C1orf21: variants seen among roughly 807,000 people sequenced by gnomAD.
The protein encoded by C1orf21 is uncharacterized protein C1orf21.
C1orf21 carries 3 observed loss-of-function variants against 18.7 expected under a neutral mutation model. The observed-to-expected ratio is 0.16, with a 90% CI of 0.07 to 0.42. C1orf21 has a LOEUF of 0.42. Ranked by LOEUF, C1orf21 falls within the 10% of genes least tolerant of loss-of-function variation. C1orf21 has a pLI of 0.99. For synonymous variants in C1orf21, 41 were observed against 46.4 expected, an observed-to-expected ratio of 0.88 and a Z score of 0.47; for missense variants, 104 against 143.6, an observed-to-expected ratio of 0.72 and a Z score of 1.41.
At chr1:184,570,952 A>G (rs1382721251) in intron 3 of C1orf21, among the ~76,000 whole-genome samples, 6 of 152,224 alleles carry the variant, frequency 3.9e-5, no homozygotes, top group Admixed American at 3.9e-4. Flanking sequence ...GCAAGCGTTT[A>G]TACACAATGA....
chr1:184,542,059 C>T (rs763860851), intron 3 of C1orf21, among the ~76,000 whole-genome samples: 55 of 152,116 alleles, frequency 3.6e-4, no homozygotes, highest in Non-Finnish European at 7.3e-5. Context: ...TCTTCTATAC[C>T]GGGTGCAGTC....
At position 184,562,401 on chromosome 1, in the gene C1orf21, T is replaced by C. The variant is rs115236360; in HGVS notation, c.190-28338T>C. Among the ~76,000 whole-genome samples the C allele has an allele frequency of 2.0e-3, 309 of 152,358 alleles. 1 individual carries two copies. The highest frequency in any genetic ancestry group is 6.8e-3 in the Middle Eastern group (2 of 294). On this transcript the variant is annotated intron_variant, in intron 3 of 5. Coordinates refer to ENST00000235307, the MANE Select transcript of C1orf21 (RefSeq NM_030806.4). ...AATGTTCCCATAAACTTGGATAAAC[T>C]ACATAGGAAGTAGCTCACATTTTCA...
At chr1:184,559,622 CCTCCCTTA>C (rs988596340) in intron 3 of C1orf21, among the ~76,000 whole-genome samples, 5 of 146,878 alleles carry the variant, frequency 3.4e-5, no homozygotes, top group Admixed American at 2.0e-4. Context: ...TCCCTCCCTC[CCTCCCTTA>C]CTTTCTTTCC....
At chr1:184,388,318 G>A (rs1487527033) in intron 1 of C1orf21, among the ~76,000 whole-genome samples, 1 of 152,188 alleles carries the variant, frequency 6.6e-6, no homozygotes, top group Non-Finnish European at 1.5e-5. Context: ...ATAAAAATAT[G>A]CACACATAAA....
intron 1 of C1orf21, among the ~76,000 whole-genome samples, chr1:184,402,785 G>A (rs1656184988): frequency 6.6e-6 from 1 of 152,116 alleles, no homozygotes; most frequent in Non-Finnish European, 1.5e-5. Context: ...AGGTTGTACA[G>A]TATGTCTTCA....
At position 184,628,471 on chromosome 1, in the gene C1orf21, T is replaced by C. The variant is rs1274161007; in HGVS notation, c.*8915T>C. 6.6e-6 allele frequency: 1 copy of C among 152,214 alleles called. No individual in the cohort carries two copies. The highest frequency in any genetic ancestry group is 1.9e-4 in the East Asian group (1 of 5,188). 9.4% of individuals were successfully genotyped at this position (152,214 alleles called of 1,614,324 possible). On this transcript the variant is annotated 3_prime_UTR_variant, in exon 6 of 6. Coordinates refer to ENST00000235307, the MANE Select transcript of C1orf21 (RefSeq NM_030806.4). ...CACCCCACTTTGAACACCCTTGCTTTAGTGCAAATCAGCACGCCTAAATAG... is the reference window on the plus strand; with the variant it reads ...CACCCCACTTTGAACACCCTTGCTTCAGTGCAAATCAGCACGCCTAAATAG...
rs139995820 is a variant in C1orf21, at chr1:184,473,448, G to A, written c.-124-3938G>A. Among the ~76,000 whole-genome samples the A allele has an allele frequency of 2.6e-5, 4 of 151,862 alleles. No homozygotes were observed. In the East Asian group the frequency reaches 7.7e-4, roughly 29 times the overall value. Reference sequence around the variant, plus strand: ...TTGGGAGAGAAAAGCTGAGCAAAGCGAATGAAAAAATGGAAGCTAAAAAAA... The same window carrying A: ...TTGGGAGAGAAAAGCTGAGCAAAGCAAATGAAAAAATGGAAGCTAAAAAAA... On this transcript the variant is annotated intron_variant, in intron 1 of 5. Coordinates refer to ENST00000235307, the MANE Select transcript of C1orf21 (RefSeq NM_030806.4).
intron 1 of C1orf21, among the ~76,000 whole-genome samples, chr1:184,441,205 A>C (rs1456970614): frequency 6.6e-6 from 1 of 152,202 alleles, no homozygotes; most frequent in African/African-American, 2.4e-5. Flanking sequence ...AACTTTCAGC[A>C]AGTTACCTTG....
rs1383832137 is a variant in C1orf21, at chr1:184,628,955, A to G, written c.*9399A>G. The G allele has an allele frequency of 1.3e-5, 2 of 152,476 alleles. No individual in the cohort carries two copies. The highest frequency in any genetic ancestry group is 4.8e-5 in the African/African-American group (2 of 41,386). 9.4% of individuals were successfully genotyped at this position (152,476 alleles called of 1,614,324 possible). ...TCTAATTATATATACATATTTATAC[A>G]TGTGTATTTTTGTTTATTGTTACAT... On this transcript the variant is annotated 3_prime_UTR_variant, in exon 6 of 6. Transcript: ENST00000235307.
chr1:184,566,104 A>G (rs1659032492), intron 3 of C1orf21, among the ~76,000 whole-genome samples: 1 of 152,130 alleles, frequency 6.6e-6, no homozygotes, highest in South Asian at 2.1e-4. Flanking sequence ...GTCTCAAAAG[A>G]AGATCCCCCA....
intron 1 of C1orf21, among the ~76,000 whole-genome samples, chr1:184,443,970 T>C (rs1656990412): frequency 6.6e-6 from 1 of 152,162 alleles, no homozygotes; most frequent in South Asian, 2.1e-4. Context: ...CCTTTGAGAA[T>C]GAGCTGGTCA....
At chr1:184,530,600 CTTT>C (rs1184327589) in intron 3 of C1orf21, among the ~76,000 whole-genome samples, 31 of 111,468 alleles carry the variant, frequency 2.8e-4, no homozygotes, top group Middle Eastern at 4.7e-3. Context: ...TTTCTTTTTT[CTTT>C]TTTTTTTTTT....
rs780073884 is a variant in C1orf21, at chr1:184,544,133, G to A, written c.189+36451G>A. On this transcript the variant is annotated intron_variant, in intron 3 of 5. Coordinates refer to ENST00000235307, the MANE Select transcript of C1orf21 (RefSeq NM_030806.4). The stretch of plus-strand genomic sequence containing the variant: ...CTCATGGCTTGAGGTTCAAGGGCAC[G>A]CCTCTTATTAAAATCATTTAATGTT... Among the ~76,000 whole-genome samples the A allele has an allele frequency of 3.3e-5, 5 of 152,222 alleles. No homozygotes were observed. In the East Asian group the frequency reaches 7.7e-4, roughly 24 times the overall value.
chr1:184,612,803 A>G (rs1204562346), intron 5 of C1orf21, among the ~76,000 whole-genome samples: 1 of 152,226 alleles, frequency 6.6e-6, no homozygotes, highest in East Asian at 1.9e-4. Context: ...AGTCAACAAG[A>G]AGAAGGGTGA....
chr1:184,443,246 G>A (rs376117904), intron 1 of C1orf21, among the ~76,000 whole-genome samples: 13 of 152,194 alleles, frequency 8.5e-5, no homozygotes, highest in African/African-American at 2.4e-4. Context: ...TGTGCCTTGC[G>A]TAAAGAGCTC....
intron 5 of C1orf21, among the ~76,000 whole-genome samples, chr1:184,600,125 C>T (rs1659567846): frequency 2.6e-5 from 4 of 151,990 alleles, no homozygotes. Context: ...TTAAACAACA[C>T]TTACAAACAC....
chr1:184,484,459 T>G (rs1657703964), intron 2 of C1orf21, among the ~76,000 whole-genome samples: 1 of 152,320 alleles, frequency 6.6e-6, no homozygotes, highest in Non-Finnish European at 1.5e-5. Context: ...CAGAATACTT[T>G]TTGTTTATTT....
chr1:184,471,346 T>C (rs10489724), intron 1 of C1orf21, among the ~76,000 whole-genome samples: 17,270 of 152,204 alleles, frequency 0.11, 1,259 homozygotes, highest in African/African-American at 0.2. Context: ...TTAGACCTTA[T>C]AGGGCCTCCT....
In C1orf21 at chr1:184,477,392, A is replaced by G; in HGVS notation, c.-118A>G. On this transcript the variant is annotated 5_prime_UTR_variant, in exon 2 of 6. Transcript: ENST00000235307. ...TAGCTTTCTTTTCTTGCAGGTGCAC[A>G]CATCTTGACCAACTCAGCAGCAAGG... The G allele has an allele frequency of 1.4e-6, 1 of 732,554 alleles. No homozygotes were observed. The highest frequency in any genetic ancestry group is 1.9e-5 in the South Asian group (1 of 53,972). 45.4% of individuals were successfully genotyped at this position (732,554 alleles called of 1,614,324 possible). A position where few individuals can be genotyped will look rare whatever the true frequency, so the allele number is the denominator to read the frequency against.
Sources: gnomAD v4.1 joint callset for allele counts (sites outside exome capture counted in the v4.1 genomes callset) on GRCh38, gnomAD v4.1.1 for gene constraint, MANE v1.5 for transcripts, NCBI Gene and HGNC (gene_info 2026-07-23, HGNC 2026-07-21) for gene names.